The following MAP1S variants were observed in gnomAD, a reference collection of about 807,000 sequenced individuals.
MAP1S encodes microtubule-associated protein 1S.
MAP1S carries 27 observed loss-of-function variants against 60.9 expected under a neutral mutation model. That is an observed-to-expected ratio of 0.44 (90% CI 0.33 to 0.61). The LOEUF (loss-of-function observed/expected upper bound fraction) is 0.61, where lower values mean the gene tolerates loss of function less well. Ranked by LOEUF, MAP1S falls within the 20% of genes least tolerant of loss-of-function variation. The pLI is 0.03. For missense variants in MAP1S, 1,608 were observed against 1,486.6 expected, an observed-to-expected ratio of 1.08 and a Z score of -1.34; for synonymous variants, 826 against 694.2, an observed-to-expected ratio of 1.19 and a Z score of -2.98.
chr19:17,720,457 G>A (rs1323792369), intron 1 of MAP1S: 9 of 1,532,576 alleles, frequency 5.9e-6, no homozygotes, highest in African/African-American at 2.7e-5. Context: ...GACCCAAAGC[G>A]AGTGAGGAGA....
rs745875318 is a variant in MAP1S, at chr19:17,719,532, C to G, written c.30C>G (p.Ala10=). 2.4e-6 allele frequency: 3 copies of G among 1,246,038 alleles called. No individual in the cohort carries two copies. Among genetic ancestry groups the G allele is most frequent in the Non-Finnish European group, 2.0e-6 (2 of 987,638 alleles). 77.2% of individuals were successfully genotyped at this position (1,246,038 alleles called of 1,614,324 possible). A position where few individuals can be genotyped will look rare whatever the true frequency, so the allele number is the denominator to read the frequency against. Residue 10 remains alanine, a synonymous_variant, in exon 1 of 7, where the codon GCC becomes GCG. Coordinates refer to ENST00000324096, the MANE Select transcript of MAP1S (RefSeq NM_018174.6). ...CGGCGGTGGCTGGATCTGGGGCTGC[C>G]GCGGCTCCGAGCTCACTGCTCCTCG... The part of the protein sequence containing the change: MAAVAGSGA[A]AAPSSLLLVV...
chr19:17,719,514 G>A lies in MAP1S; in HGVS notation c.12G>A (p.Val4=), dbSNP rs1233367137. The change falls in exon 1 of 7, where the codon GTG becomes GTA. Residue 4 remains valine, a synonymous_variant. Coordinates refer to ENST00000324096, the MANE Select transcript of MAP1S (RefSeq NM_018174.6). ...GGGGCGGCCCGAAGATGGCGGCGGT[G>A]GCTGGATCTGGGGCTGCCGCGGCTC... MAA[V]AGSGAAAAPS... The A allele has an allele frequency of 9.6e-6, 12 of 1,245,570 alleles. No individual in the cohort carries two copies. Among genetic ancestry groups the A allele is most frequent in the Middle Eastern group, 5.3e-4 (2 of 3,790 alleles). 77.2% of individuals were successfully genotyped at this position (1,245,570 alleles called of 1,614,324 possible).
intron 3 of MAP1S, 56 bp downstream of exon 3, chr19:17,724,264 T>C: frequency 7.2e-7 from 1 of 1,391,100 alleles, no homozygotes; most frequent in African/African-American, 1.4e-5. Context: ...GTGCCTTCTC[T>C]GTCTTCCTGT....
At chr19:17,732,050 A>G (rs79237650) in intron 5 of MAP1S, among the ~76,000 whole-genome samples, 4,021 of 152,350 alleles carry the variant, frequency 0.026, 173 homozygotes, top group African/African-American at 0.09. Context: ...TGGCTTTGGT[A>G]TTAAGACAAT....
In MAP1S at chr19:17,726,897, G is replaced by A; in HGVS notation, c.1513G>A (p.Glu505Lys). 1 of 1,560,124 alleles carries A rather than the reference G, an allele frequency of 6.4e-7. No homozygotes were observed. ...GGAGCGCCCTGGGGTGGCCCGCAAG[G>A]AGCCAGCACGGGCTGAGGCCCCACG... ...GQERPGVARK[E>K]PARAEAPRKT... The change falls in exon 5 of 7, where the codon GAG becomes AAG. Residue 505 changes from glutamate (E) to lysine (K), a missense_variant. Around this residue, in one of 4 missense-constraint regions of MAP1S, gnomAD observed 1,167 missense variants for 961.4 expected, o/e 1.21. Transcript: ENST00000324096.
chr19:17,720,131 C>G lies in MAP1S; in HGVS notation c.118+511C>G, dbSNP rs2080357195. On this transcript the variant is annotated intron_variant, in intron 1 of 6. Coordinates refer to ENST00000324096, the MANE Select transcript of MAP1S (RefSeq NM_018174.6). Reference sequence around the variant, plus strand: ...GGGGTGTGGGCGGGTGCGGCCTGCCCTGGGGATTTGGCACCTAGGGAGGTG... The same window carrying G: ...GGGGTGTGGGCGGGTGCGGCCTGCCGTGGGGATTTGGCACCTAGGGAGGTG... The G allele has an allele frequency of 2.0e-5, 26 of 1,287,784 alleles. No individual in the cohort carries two copies. The East Asian group carries it at 8.9e-4, about 44-fold the overall frequency. 79.8% of individuals were successfully genotyped at this position (1,287,784 alleles called of 1,614,324 possible).
rs193014808 is a variant in MAP1S at position 17,724,780 on chromosome 19, T to A, written c.304-269T>A. On this transcript the variant is annotated intron_variant, in intron 3 of 6. Coordinates refer to ENST00000324096, the MANE Select transcript of MAP1S (RefSeq NM_018174.6). ...GGCTGGGCTGGAGGGAGAGGTGGAC[T>A]AGAGAGAGCCCAGAAAGGGCAAGTA... 1.9e-3 allele frequency among the ~76,000 whole-genome samples: 285 copies of A among 151,978 alleles called. 1 individual carries two copies. Among genetic ancestry groups the A allele is most frequent in the Admixed American group, 5.1e-3 (78 of 15,268 alleles).
rs1385773449 is a variant in MAP1S at position 17,726,994 on chromosome 19, A to T, written c.1610A>T (p.Gln537Leu). 6.3e-7 allele frequency: 1 copy of T among 1,578,802 alleles called. No homozygotes were observed. The highest frequency in any genetic ancestry group is 8.6e-7 in the Non-Finnish European group (1 of 1,163,148). Reference sequence around the variant, plus strand: ...CCCAAACCGAGTGTCTCCCGGACCCAGCCGCGGGAGGTGCGCCGGGCAGCC... The same window carrying T: ...CCCAAACCGAGTGTCTCCCGGACCCTGCCGCGGGAGGTGCGCCGGGCAGCC... ...KDPKPSVSRT[Q>L]PREVRRAASS... Residue 537 changes from glutamine to leucine, a missense_variant, in exon 5 of 7, where the codon CAG (glutamine) becomes CTG (leucine). Gln to Leu is a moderately radical substitution (Grantham distance 113). Transcript: ENST00000324096.
At position 17,728,062 on chromosome 19, in the gene MAP1S, A is replaced by G. The variant is rs768339097; in HGVS notation, c.2678A>G (p.Asp893Gly). 2.5e-5 allele frequency: 40 copies of G among 1,612,392 alleles called. No homozygotes were observed. Among genetic ancestry groups the G allele is most frequent in the Non-Finnish European group, 3.4e-5 (40 of 1,179,808 alleles). ...AAKTKGLAGGDRASRPLSARS... is the reference protein window; with the variant it reads ...AAKTKGLAGGGRASRPLSARS... ...AAAACCAAGGGGCTTGCTGGTGGGG[A>G]CCGTGCCAGCCGACCACTCAGTGCC... is the stretch of plus-strand genomic sequence containing the variant. Residue 893 changes from aspartate (D) to glycine (G), a missense_variant, in exon 5 of 7, where the codon GAC becomes GGC. Around this residue, in one of 4 missense-constraint regions of MAP1S, gnomAD observed 1,167 missense variants for 961.4 expected, o/e 1.21. Coordinates refer to ENST00000324096, the MANE Select transcript of MAP1S (RefSeq NM_018174.6).
chr19:17,725,741 A>G lies in MAP1S; in HGVS notation c.445-88A>G. 2 of 1,347,130 alleles carry G rather than the reference A, an allele frequency of 1.5e-6. No individual in the cohort carries two copies. Among genetic ancestry groups the G allele is most frequent in the Non-Finnish European group, 2.0e-6 (2 of 985,692 alleles). The allele number at this position is 1,347,130 out of a possible 1,614,324, so 83.4% of individuals were successfully genotyped here. A position where few individuals can be genotyped will look rare whatever the true frequency, so the allele number is the denominator to read the frequency against. On this transcript the variant is annotated intron_variant, in intron 4 of 6. Transcript: ENST00000324096. The surrounding 1 kb of genome is among the most constrained non-coding windows in gnomAD (Gnocchi z 4.2). ...GCCCTGAGGAGCAGGCCCTGGGGGAAAGGATGAGGGTGTCCTCGCCCAGTT... is the reference window on the plus strand; with the variant it reads ...GCCCTGAGGAGCAGGCCCTGGGGGAGAGGATGAGGGTGTCCTCGCCCAGTT...
In MAP1S at chr19:17,733,174, C is replaced by G; in HGVS notation, c.2789-19C>G. ...AGCCCCAGGAGCTCATCCCTGCCTC[C>G]CCATCCCCCCGCCCGCAGGGTCAGC... On this transcript the variant is annotated intron_variant, in intron 5 of 6. Coordinates refer to ENST00000324096, the MANE Select transcript of MAP1S (RefSeq NM_018174.6). 2.0e-6 allele frequency: 3 copies of G among 1,504,240 alleles called. No individual in the cohort carries two copies. Among genetic ancestry groups the G allele is most frequent in the Non-Finnish European group, 2.7e-6 (3 of 1,116,210 alleles). The allele number at this position is 1,504,240 out of a possible 1,614,324, so 93.2% of individuals were successfully genotyped here.
rs775018337 is a variant in MAP1S at position 17,727,993 on chromosome 19, A to C, written c.2609A>C (p.Asn870Thr). Residue 870 changes from asparagine to threonine, a missense_variant, in exon 5 of 7, where the codon AAC becomes ACC. Asn to Thr is a moderately conservative substitution (Grantham distance 65, BLOSUM62 0). Around this residue, in one of 4 missense-constraint regions of MAP1S, gnomAD observed 1,167 missense variants for 961.4 expected, o/e 1.21. Coordinates refer to ENST00000324096, the MANE Select transcript of MAP1S (RefSeq NM_018174.6). This position sits in a 1 kb window ranked among gnomAD's most constrained non-coding sequence, Gnocchi z 4.1. ...SRTRKPLARP[N>T]SRAAAPKATP... is the part of the protein sequence containing the mutation. ...ACCCGGAAGCCCCTGGCCCGCCCCA[A>C]CTCACGCGCTGCCGCCCCCAAAGCC... The C allele has an allele frequency of 6.2e-7, 1 of 1,610,540 alleles. No homozygotes were observed. Among genetic ancestry groups the C allele is most frequent in the Non-Finnish European group, 8.5e-7 (1 of 1,178,880 alleles).
intron 1 of MAP1S, chr19:17,720,707 T>C: frequency 1.6e-6 from 1 of 621,346 alleles, no homozygotes; most frequent in Non-Finnish European, 2.8e-6. Flanking sequence ...ATGGAGGAGG[T>C]GGAGGCTTTG....
rs915832193 is a variant in MAP1S at position 17,725,896 on chromosome 19, C to T, written c.512C>T (p.Thr171Ile). The T allele has an allele frequency of 3.1e-6, 5 of 1,613,812 alleles. No individual in the cohort carries two copies. The highest frequency in any genetic ancestry group is 4.2e-6 in the Non-Finnish European group (5 of 1,180,000). Residue 171 changes from threonine (T) to isoleucine (I), a missense_variant, in exon 5 of 7, where the codon ACC becomes ATC. Physicochemically the swap from Thr to Ile is moderately conservative, Grantham distance 89. Coordinates refer to ENST00000324096, the MANE Select transcript of MAP1S (RefSeq NM_018174.6). This position sits in a 1 kb window ranked among gnomAD's most constrained non-coding sequence, Gnocchi z 4.2. Reference protein sequence around the residue: ...QPPILTITCPTFGDWAQLAPA... With the variant: ...QPPILTITCPIFGDWAQLAPA... ...CCCATACTCACCATCACCTGCCCCACCTTCGGTGACTGGGCTCAGCTGGCA... is the reference window on the plus strand; with the variant it reads ...CCCATACTCACCATCACCTGCCCCATCTTCGGTGACTGGGCTCAGCTGGCA...
Position 17,724,969 on chromosome 19 carries a change from G to A in MAP1S, c.304-80G>A, listed in dbSNP as rs1398184686. On this transcript the variant is annotated intron_variant, in intron 3 of 6. Coordinates refer to ENST00000324096, the MANE Select transcript of MAP1S (RefSeq NM_018174.6). ...GACAGGAGAGGGGTGGTTATGTATC[G>A]ACTCGAGGCTACCCCAAAGAGGACT... 25 of 1,579,628 alleles carry A rather than the reference G, an allele frequency of 1.6e-5. No individual in the cohort carries two copies. The East Asian group carries it at 2.7e-4, about 17-fold the overall frequency.
intron 1 of MAP1S, chr19:17,720,532 C>T: frequency 1.3e-6 from 2 of 1,482,308 alleles, no homozygotes; most frequent in Non-Finnish European, 1.8e-6. Context: ...ACTGAGAGGA[C>T]AGTCAGTCTT....
intron 2 of MAP1S, among the ~76,000 whole-genome samples, chr19:17,722,520 G>A (rs921305460): frequency 2.7e-5 from 4 of 146,376 alleles, no homozygotes; most frequent in Non-Finnish European, 6.1e-5. Context: ...AGGCTGAGGT[G>A]GGTGGATCAC....
chr19:17,725,559 GGA>G lies in MAP1S; in HGVS notation c.445-266_445-265del, dbSNP rs1280205449. Among the ~76,000 whole-genome samples the G allele has an allele frequency of 2.0e-5, 3 of 152,196 alleles. No individual in the cohort carries two copies. The highest frequency in any genetic ancestry group is 4.4e-5 in the Non-Finnish European group (3 of 68,018). On this transcript the variant is annotated intron_variant, in intron 4 of 6. Transcript: ENST00000324096. This position sits in a 1 kb window ranked among gnomAD's most constrained non-coding sequence, Gnocchi z 4.2. ...AAGGTTCAGTAGACAGGTGGGGCGTGGAGAGTCTCCTTGGAGGGAGCTGTGCC... is the reference window on the plus strand; with the variant it reads ...AAGGTTCAGTAGACAGGTGGGGCGTGGAGTCTCCTTGGAGGGAGCTGTGCC...
intron 6 of MAP1S, 29 bp from the exon 7 acceptor site, chr19:17,734,244 C>T: frequency 6.3e-7 from 1 of 1,597,194 alleles, no homozygotes; most frequent in East Asian, 2.3e-5. Context: ...GTGGTCCACT[C>T]TCCCCACACA....
Sources: allele counts gnomAD v4.1 joint callset (sites outside exome capture counted in the v4.1 genomes callset), GRCh38; gene constraint gnomAD v4.1.1; regional missense constraint gnomAD v4.1.1; non-coding constraint Gnocchi (gnomAD v3.1); transcripts MANE v1.5; gene names NCBI Gene and HGNC (gene_info 2026-07-23, HGNC 2026-07-21).